The following TMEM178B variants were observed in gnomAD, a reference collection of about 807,000 sequenced individuals.
TMEM178B encodes transmembrane protein 178B.
In TMEM178B, 5 loss-of-function variants were observed where a neutral mutation model predicts 31.0. That is an observed-to-expected ratio of 0.16 (90% CI 0.08 to 0.34). The LOEUF (loss-of-function observed/expected upper bound fraction) is 0.34. TMEM178B is among the 10% of genes least tolerant of loss of function. The pLI is 1.00. For missense variants in TMEM178B, 275 were observed against 400.3 expected (o/e 0.69, Z 2.67); for synonymous variants, 164 against 164.0 (o/e 1.00, Z 0.00).
At chr7:141,431,620 A>G (rs1586955753) in intron 2 of TMEM178B, among the ~76,000 whole-genome samples, 1 of 152,230 alleles carries the variant, frequency 6.6e-6, no homozygotes, top group Non-Finnish European at 1.5e-5. Flanking sequence ...ATTTTTCTCT[A>G]TCTTGGCCTT....
intron 2 of TMEM178B, among the ~76,000 whole-genome samples, chr7:141,413,474 G>T (rs934107059): frequency 9.2e-5 from 14 of 152,212 alleles, no homozygotes; most frequent in Non-Finnish European, 1.6e-4. Context: ...TTCTGCCCAT[G>T]CGTATTGTCA....
chr7:141,238,167 C>A (rs1586842775), intron 2 of TMEM178B, among the ~76,000 whole-genome samples: 2 of 152,204 alleles, frequency 1.3e-5, no homozygotes, highest in African/African-American at 4.8e-5. Context: ...GTTAAGAAAT[C>A]CTGTTGCTGT....
chr7:141,163,537 G>T (rs907686719), intron 1 of TMEM178B, among the ~76,000 whole-genome samples: 4 of 149,942 alleles, frequency 2.7e-5, no homozygotes, highest in African/African-American at 9.8e-5. Flanking sequence ...TTTTGAGACG[G>T]TGTCTTGTTC....
chr7:141,100,382 G>T (rs192712418), intron 1 of TMEM178B, among the ~76,000 whole-genome samples: 1 of 152,050 alleles, frequency 6.6e-6, no homozygotes, highest in Admixed American at 6.6e-5. Flanking sequence ...CTCTGTATAA[G>T]TGTAAACACT....
rs1365671711 is a variant in TMEM178B at position 141,473,857 on chromosome 7, T to A, written c.*3071T>A. 6.6e-6 allele frequency: 1 copy of A among 152,168 alleles called. No homozygotes were observed. 9.4% of individuals were successfully genotyped at this position (152,168 alleles called of 1,614,324 possible). ...TCAGGTGACCTTGATCCCTCTAGCATAAGGGCTTGACCACAGATTAAAACA... is the reference window on the plus strand; with the variant it reads ...TCAGGTGACCTTGATCCCTCTAGCAAAAGGGCTTGACCACAGATTAAAACA... On this transcript the variant is annotated 3_prime_UTR_variant, in exon 4 of 4. Coordinates refer to ENST00000565468, the MANE Select transcript of TMEM178B (RefSeq NM_001195278.2).
intron 2 of TMEM178B, among the ~76,000 whole-genome samples, chr7:141,233,173 G>C (rs948500807): frequency 6.6e-6 from 1 of 152,226 alleles, no homozygotes; most frequent in Non-Finnish European, 1.5e-5. Context: ...CACTATTTAA[G>C]TTACAATTAT....
At chr7:141,288,323 C>G (rs1040965645) in intron 2 of TMEM178B, among the ~76,000 whole-genome samples, 4 of 151,936 alleles carry the variant, frequency 2.6e-5, no homozygotes, top group African/African-American at 4.8e-5. Context: ...TATTTTTCTC[C>G]CCAATAATGT....
At chr7:141,282,220 G>A (rs1798377024) in intron 2 of TMEM178B, among the ~76,000 whole-genome samples, 1 of 152,192 alleles carries the variant, frequency 6.6e-6, no homozygotes, top group Non-Finnish European at 1.5e-5. Context: ...CAGAGAAAAT[G>A]CAAAGAAGGA....
intron 2 of TMEM178B, among the ~76,000 whole-genome samples, chr7:141,306,232 C>T (rs1216280281): frequency 1.3e-5 from 2 of 152,128 alleles, no homozygotes; most frequent in East Asian, 1.9e-4. Flanking sequence ...ATGCCAAGTG[C>T]GAGTAAGAGG....
At chr7:141,304,518 G>A (rs545078211) in intron 2 of TMEM178B, among the ~76,000 whole-genome samples, 2 of 152,090 alleles carry the variant, frequency 1.3e-5, no homozygotes, top group African/African-American at 4.8e-5. Flanking sequence ...TCGTCTCCAG[G>A]GCTCTCATCC....
intron 2 of TMEM178B, among the ~76,000 whole-genome samples, chr7:141,278,716 G>T (rs1798307426): frequency 6.6e-6 from 1 of 152,192 alleles, no homozygotes; most frequent in Non-Finnish European, 1.5e-5. Flanking sequence ...AGCAAACACT[G>T]CTTGAATATA....
At chr7:141,273,256 G>A (rs1158513022) in intron 2 of TMEM178B, among the ~76,000 whole-genome samples, 1 of 152,190 alleles carries the variant, frequency 6.6e-6, no homozygotes, top group Non-Finnish European at 1.5e-5. Context: ...ATCAAAGAGT[G>A]CAAACTTTCA....
At chr7:141,257,030 A>G (rs879604176) in intron 2 of TMEM178B, among the ~76,000 whole-genome samples, 2 of 152,178 alleles carry the variant, frequency 1.3e-5, no homozygotes, top group Non-Finnish European at 2.9e-5. Context: ...AAGCGTACAG[A>G]TGAGAGCAGC....
chr7:141,365,699 A>G (rs926483894), intron 2 of TMEM178B, among the ~76,000 whole-genome samples: 8 of 152,198 alleles, frequency 5.3e-5, no homozygotes. Flanking sequence ...GTGTCTTCAC[A>G]TGACATTCTG....
intron 2 of TMEM178B, among the ~76,000 whole-genome samples, chr7:141,267,067 A>C (rs1798105209): frequency 1.3e-5 from 2 of 152,160 alleles, no homozygotes; most frequent in Admixed American, 6.5e-5. Flanking sequence ...TGCTACCTGA[A>C]GAGGTGAGTA....
intron 2 of TMEM178B, among the ~76,000 whole-genome samples, chr7:141,306,087 T>A (rs542733036): frequency 2.6e-5 from 4 of 152,324 alleles, no homozygotes; most frequent in African/African-American, 7.2e-5. Context: ...CTAGATATAT[T>A]TGGTCAACTG....
chr7:141,248,468 A>C (rs1342082511), intron 2 of TMEM178B, among the ~76,000 whole-genome samples: 1 of 152,232 alleles, frequency 6.6e-6, no homozygotes, highest in Non-Finnish European at 1.5e-5. Context: ...GAAATGCATC[A>C]TTAAGCAATG....
intron 2 of TMEM178B, among the ~76,000 whole-genome samples, chr7:141,432,589 A>G (rs894141540): frequency 6.6e-6 from 1 of 152,086 alleles, no homozygotes; most frequent in Non-Finnish European, 1.5e-5. Context: ...TGGTCCCATT[A>G]TTTTATTTCA....
At chr7:141,468,644 G>A (rs1802186577) in intron 3 of TMEM178B, among the ~76,000 whole-genome samples, 1 of 152,188 alleles carries the variant, frequency 6.6e-6, no homozygotes, top group Non-Finnish European at 1.5e-5. Flanking sequence ...CACAAATTTA[G>A]TGAGGCAGTG....
Sources: gnomAD v4.1 joint callset for allele counts (sites outside exome capture counted in the v4.1 genomes callset) on GRCh38, gnomAD v4.1.1 for gene constraint, MANE v1.5 for transcripts, NCBI Gene and HGNC (gene_info 2026-07-23, HGNC 2026-07-21) for gene names.